DCAF7: variants seen among roughly 807,000 people sequenced by gnomAD.
The protein encoded by DCAF7 is DDB1 and CUL4 associated factor 7, also known as DDB1- and CUL4-associated factor 7.
In DCAF7, 4 loss-of-function variants were observed where a neutral mutation model predicts 41.2. The observed-to-expected ratio is 0.10, with a 90% CI of 0.05 to 0.22. The LOEUF (loss-of-function observed/expected upper bound fraction) is 0.22. DCAF7 is among the 10% of genes least tolerant of loss of function. The probability of loss-of-function intolerance (pLI) is 1.00; values close to 1 mark genes in which losing one functional copy is unlikely to be tolerated. For missense variants in DCAF7, 131 were observed against 443.2 expected (o/e 0.30, Z 6.32); for synonymous variants, 143 against 164.2 (o/e 0.87, Z 0.99).
intron 1 of DCAF7, among the ~76,000 whole-genome samples, chr17:63,560,950 G>C (rs1270401278): frequency 6.6e-6 from 1 of 152,202 alleles, no homozygotes; most frequent in Non-Finnish European, 1.5e-5. Context: ...AAACATACAG[G>C]CTGGGCGTGA....
Position 63,583,579 on chromosome 17 carries a change from G to T in DCAF7, c.606G>T (p.Arg202=). The T allele has an allele frequency of 6.2e-7, 1 of 1,613,904 alleles. No homozygotes were observed. The change falls in exon 5 of 7, where the codon CGG becomes CGT. Residue 202 remains arginine (R), a synonymous_variant. Coordinates refer to ENST00000614556, the MANE Select transcript of DCAF7 (RefSeq NM_005828.5). The part of the protein sequence containing the change: ...FASVGADGSV[R]MFDLRHLEHS... ...CTGTGGGTGCTGATGGCTCGGTGCG[G>T]ATGTTTGACCTCCGCCATCTAGAAC... is the stretch of plus-strand genomic sequence containing the variant.
At chr17:63,568,784 C>G (rs777265652) in intron 1 of DCAF7, among the ~76,000 whole-genome samples, 2 of 152,134 alleles carry the variant, frequency 1.3e-5, no homozygotes, top group African/African-American at 2.4e-5. Context: ...CACACCCTGC[C>G]CCACCTCACA....
chr17:63,559,334 C>CATATATATATATGTATATATAT (rs202023132), intron 1 of DCAF7, among the ~76,000 whole-genome samples: 1 of 65,028 alleles, frequency 1.5e-5, no homozygotes, highest in Non-Finnish European at 2.8e-5. Context: ...TATATATATA[C>CATATATATATATGTATATATAT]ATACATATAT....
intron 1 of DCAF7, among the ~76,000 whole-genome samples, chr17:63,563,794 G>A (rs1298814568): frequency 3.3e-5 from 5 of 151,486 alleles, no homozygotes; most frequent in African/African-American, 1.2e-4. Flanking sequence ...CAGCTTGGGC[G>A]ACAGAGTGAG....
At chr17:63,553,368 C>T (rs900210432) in intron 1 of DCAF7, among the ~76,000 whole-genome samples, 6 of 152,150 alleles carry the variant, frequency 3.9e-5, no homozygotes, top group African/African-American at 1.4e-4. Flanking sequence ...AAAAATTTAG[C>T]TAGAGGTTAA....
intron 1 of DCAF7, among the ~76,000 whole-genome samples, chr17:63,554,925 T>TG (rs1402814763): frequency 1.3e-5 from 2 of 152,182 alleles, no homozygotes; most frequent in Non-Finnish European, 1.5e-5. Context: ...TTAAAGACTC[T>TG]GGGGGGAAAA....
intron 1 of DCAF7, among the ~76,000 whole-genome samples, chr17:63,576,163 C>G (rs191931001): frequency 7.9e-5 from 12 of 152,154 alleles, no homozygotes; most frequent in African/African-American, 2.9e-4. Context: ...AAACCTTGTT[C>G]GGGAGCTGTA....
At position 63,593,865 on chromosome 17, in the gene DCAF7, G is replaced by T. The variant is rs1354398390; in HGVS notation, c.*4693G>T. 6.6e-6 allele frequency: 1 copy of T among 152,582 alleles called. No individual in the cohort carries two copies. Among genetic ancestry groups the T allele is most frequent in the Non-Finnish European group, 1.5e-5 (1 of 68,032 alleles). 9.5% of individuals were successfully genotyped at this position (152,582 alleles called of 1,614,324 possible). A position where few individuals can be genotyped will look rare whatever the true frequency, so the allele number is the denominator to read the frequency against. ...GTTAAGCTCTAACTGATCCATTTCT[G>T]TGTCCTTTAGCCTAGTATGTCTGAA... is the stretch of plus-strand genomic sequence containing the variant. On this transcript the variant is annotated 3_prime_UTR_variant, in exon 7 of 7. Coordinates refer to ENST00000614556, the MANE Select transcript of DCAF7 (RefSeq NM_005828.5).
chr17:63,563,697 C>A (rs143408675), intron 1 of DCAF7, among the ~76,000 whole-genome samples: 439 of 152,176 alleles, frequency 2.9e-3, no homozygotes, highest in Non-Finnish European at 4.4e-3. Flanking sequence ...CACCTCTAGT[C>A]TCAGCTACTC....
intron 1 of DCAF7, among the ~76,000 whole-genome samples, chr17:63,556,014 G>A (rs1442601802): frequency 6.6e-5 from 10 of 152,216 alleles, no homozygotes; most frequent in Admixed American, 6.5e-4. Context: ...AATAGGGCAG[G>A]ACCTTGGGTA....
chr17:63,587,896 G>T (rs1023242232), intron 6 of DCAF7, among the ~76,000 whole-genome samples: 1 of 150,384 alleles, frequency 6.6e-6, no homozygotes, highest in African/African-American at 2.4e-5. Flanking sequence ...CGAGGCAGGA[G>T]AATCGCTTGA....
intron 1 of DCAF7, among the ~76,000 whole-genome samples, chr17:63,569,892 T>C (rs1200852254): frequency 6.6e-6 from 1 of 152,110 alleles, no homozygotes; most frequent in Admixed American, 6.5e-5. Context: ...TTTGTATTTT[T>C]TGTAGAGACG....
At chr17:63,559,868 C>T (rs950228025) in intron 1 of DCAF7, among the ~76,000 whole-genome samples, 7 of 151,880 alleles carry the variant, frequency 4.6e-5, no homozygotes, top group Non-Finnish European at 1.0e-4. Flanking sequence ...AACTGTAAAA[C>T]ACGGGAGAAT....
chr17:63,559,458 T>TA (rs2033356789), intron 1 of DCAF7, among the ~76,000 whole-genome samples: 6 of 139,108 alleles, frequency 4.3e-5, no homozygotes, highest in East Asian at 4.1e-4. Context: ...TATATATATA[T>TA]TTTTAATAAT....
chr17:63,553,824 C>T (rs538130500), intron 1 of DCAF7, among the ~76,000 whole-genome samples: 2 of 152,318 alleles, frequency 1.3e-5, no homozygotes, highest in South Asian at 4.1e-4. Context: ...AAGAAATTGA[C>T]TTCCAGGTGT....
At chr17:63,568,038 T>C (rs2033463389) in intron 1 of DCAF7, among the ~76,000 whole-genome samples, 1 of 151,912 alleles carries the variant, frequency 6.6e-6, no homozygotes, top group South Asian at 2.1e-4. Flanking sequence ...TTTTGTTTTT[T>C]GAGATGGAGT....
Position 63,564,826 on chromosome 17 carries a change from A to G in DCAF7, c.139-13644A>G, listed in dbSNP as rs913628137. 2.9e-4 allele frequency among the ~76,000 whole-genome samples: 44 copies of G among 152,254 alleles called. 1 individual carries two copies. Among genetic ancestry groups the G allele is most frequent in the Non-Finnish European group, 2.9e-5 (2 of 68,046 alleles). On this transcript the variant is annotated intron_variant, in intron 1 of 6. Transcript: ENST00000614556. ...GGAGCTAGTGAGTGGTGGGGACAGAAGAGCAGAACTCCCACGCTCAGTATT... is the reference window on the plus strand; with the variant it reads ...GGAGCTAGTGAGTGGTGGGGACAGAGGAGCAGAACTCCCACGCTCAGTATT...
intron 1 of DCAF7, among the ~76,000 whole-genome samples, chr17:63,559,399 GTATA>G (rs10637228): frequency 1.1e-5 from 1 of 88,100 alleles, no homozygotes; most frequent in Non-Finnish European, 2.4e-5. Flanking sequence ...ATATATATAT[GTATA>G]TATATGTATA....
At chr17:63,574,161 C>T (rs554794914) in intron 1 of DCAF7, among the ~76,000 whole-genome samples, 6 of 152,194 alleles carry the variant, frequency 3.9e-5, no homozygotes, top group Non-Finnish European at 7.3e-5. Context: ...TTCTGTTCTA[C>T]CTACCTGGGA....
Sources: gnomAD v4.1 joint callset for allele counts (sites outside exome capture counted in the v4.1 genomes callset) on GRCh38, gnomAD v4.1.1 for gene constraint, MANE v1.5 for transcripts, NCBI Gene and HGNC (gene_info 2026-07-23, HGNC 2026-07-21) for gene names.